Variants in RAB27A observed in about 807,000 individuals in gnomAD.
The protein encoded by RAB27A is RAB27A, member RAS oncogene family.
Under a neutral mutation model 20.8 loss-of-function variants are expected in RAB27A, and 17 were observed. The ratio of observed to expected loss-of-function variants is 0.82; its 90% CI spans 0.56 to 1.23. RAB27A has a LOEUF of 1.23. Among genes scored for constraint, RAB27A ranks in the 50% most tolerant of loss-of-function variants. RAB27A has a pLI of 0.00. For missense variants in RAB27A, 277 were observed against 266.7 expected (o/e 1.04, Z -0.27); for synonymous variants, 85 against 92.8 (o/e 0.92, Z 0.48).
intron 2 of RAB27A, among the ~76,000 whole-genome samples, chr15:55,244,956 T>A (rs1426044714): frequency 6.6e-6 from 1 of 152,192 alleles, no homozygotes; most frequent in Non-Finnish European, 1.5e-5. Context: ...GTTTTAATAA[T>A]GCCATTGTGG....
intron 3 of RAB27A, among the ~76,000 whole-genome samples, chr15:55,231,039 G>C (rs1896012401): frequency 6.6e-6 from 1 of 152,056 alleles, no homozygotes; most frequent in Non-Finnish European, 1.5e-5. Flanking sequence ...CCATTGTTTA[G>C]TTCCCACTTA....
chr15:55,256,936 C>T (rs1377780046), intron 2 of RAB27A, among the ~76,000 whole-genome samples: 2 of 152,188 alleles, frequency 1.3e-5, no homozygotes, highest in African/African-American at 4.8e-5. Flanking sequence ...CTTCTATCAC[C>T]TCTCACTCCT....
intron 2 of RAB27A, among the ~76,000 whole-genome samples, chr15:55,309,639 C>T (rs1438765767): frequency 3.3e-5 from 5 of 152,068 alleles, no homozygotes; most frequent in Non-Finnish European, 7.4e-5. Flanking sequence ...TCAGGATGTA[C>T]AGGGATACAG....
At chr15:55,250,294 TA>T (rs957990645) in intron 2 of RAB27A, among the ~76,000 whole-genome samples, 1 of 151,850 alleles carries the variant, frequency 6.6e-6, no homozygotes, top group African/African-American at 2.4e-5. Flanking sequence ...AAAACTGGAA[TA>T]AAAAAAAGTA....
chr15:55,309,960 GT>G (rs983950166), intron 2 of RAB27A, among the ~76,000 whole-genome samples: 1 of 151,974 alleles, frequency 6.6e-6, no homozygotes, highest in African/African-American at 2.4e-5. Context: ...GAATCCTTTA[GT>G]TTAACTCGAA....
intron 3 of RAB27A, among the ~76,000 whole-genome samples, chr15:55,232,764 A>T (rs763786375): frequency 8.5e-5 from 13 of 152,206 alleles, no homozygotes; most frequent in Non-Finnish European, 1.9e-4. Context: ...GTAACTGCAT[A>T]GTAAATATAA....
In RAB27A at chr15:55,249,947, AT is replaced by A. The variant is rs900840178; in HGVS notation, c.-22-14992del. On this transcript the variant is annotated intron_variant, in intron 2 of 6. Coordinates refer to ENST00000336787, the MANE Select transcript of RAB27A (RefSeq NM_183235.3). Reference sequence around the variant, plus strand: ...TTAAGAGTTCTGTAAACTTATTAAGATTTTTTTTTCTATGTTTGTTTTTTGT... The same window carrying A: ...TTAAGAGTTCTGTAAACTTATTAAGATTTTTTTTCTATGTTTGTTTTTTGT... Among the ~76,000 whole-genome samples the A allele has an allele frequency of 1.2e-4, 18 of 151,194 alleles. 1 individual carries two copies. The highest frequency in any genetic ancestry group is 7.8e-4 in the East Asian group (4 of 5,124).
In RAB27A at chr15:55,217,663, C is replaced by CAAAAAAAAAAAA. The variant is rs199813098; in HGVS notation, c.467+6214_467+6225dup. ...TGGGTGACAGAGCTACACTCCATCT[C>CAAAAAAAAAAAA]AAAAAAAAAAAAAAAAAAAAAAAAA... On this transcript the variant is annotated intron_variant, in intron 6 of 6. Coordinates refer to ENST00000336787, the MANE Select transcript of RAB27A (RefSeq NM_183235.3). 2.3e-4 allele frequency among the ~76,000 whole-genome samples: 10 copies of CAAAAAAAAAAAA among 43,546 alleles called. 1 individual carries two copies. The highest frequency in any genetic ancestry group is 7.0e-4 in the African/African-American group (8 of 11,422). 28.6% of individuals were successfully genotyped at this position (43,546 alleles called of 152,430 possible). A position where few individuals can be genotyped will look rare whatever the true frequency, so the allele number is the denominator to read the frequency against.
chr15:55,313,824 T>C (rs1017522902), intron 2 of RAB27A, among the ~76,000 whole-genome samples: 1 of 151,976 alleles, frequency 6.6e-6, no homozygotes, highest in South Asian at 2.1e-4. Flanking sequence ...ATACAAAAAC[T>C]TAGCCGGGAG....
In RAB27A at chr15:55,263,412, G is replaced by C. The variant is rs547738250; in HGVS notation, c.-23+6753C>G. 5.3e-5 allele frequency among the ~76,000 whole-genome samples: 8 copies of C among 152,166 alleles called. No individual in the cohort carries two copies. The East Asian group carries it at 1.5e-3, about 29-fold the overall frequency. On this transcript the variant is annotated intron_variant, in intron 2 of 6. Transcript: ENST00000336787. ...AAAGTTACTTGAGATGCAGTCACTA[G>C]AGGAAGAATTATAGTAGAATGCTTT...
intron 6 of RAB27A, among the ~76,000 whole-genome samples, chr15:55,209,672 C>T (rs575548556): frequency 6.9e-6 from 1 of 144,316 alleles, no homozygotes; most frequent in African/African-American, 2.6e-5. Flanking sequence ...ATATATATAT[C>T]TCTCTCCTAA....
chr15:55,226,897 A>T (rs561514922), intron 5 of RAB27A, among the ~76,000 whole-genome samples: 38 of 151,972 alleles, frequency 2.5e-4, no homozygotes, highest in Non-Finnish European at 5.4e-4. Flanking sequence ...ATAAGAAATG[A>T]ATGATCATTG....
At chr15:55,287,748 G>GA (rs574996828) in intron 1 of RAB27A, among the ~76,000 whole-genome samples, 389 of 133,162 alleles carry the variant, frequency 2.9e-3, no homozygotes, top group South Asian at 0.01. Flanking sequence ...ACTCCATCTC[G>GA]AAAAAAAAAA....
At chr15:55,307,695 A>G (rs951940157) in intron 2 of RAB27A, among the ~76,000 whole-genome samples, 1 of 150,818 alleles carries the variant, frequency 6.6e-6, no homozygotes, top group East Asian at 2.0e-4. Flanking sequence ...AGACTAGTAG[A>G]CACTGAAATC....
intron 1 of RAB27A, among the ~76,000 whole-genome samples, chr15:55,285,843 G>A (rs1056163214): frequency 6.6e-6 from 1 of 152,142 alleles, no homozygotes; most frequent in African/African-American, 2.4e-5. Flanking sequence ...TAGCACAAGA[G>A]GCCAACACCC....
intron 2 of RAB27A, among the ~76,000 whole-genome samples, chr15:55,311,710 T>C (rs912621209): frequency 6.6e-6 from 1 of 152,198 alleles, no homozygotes; most frequent in African/African-American, 2.4e-5. Flanking sequence ...TTCTCCCCCT[T>C]GAAGAGGATA....
At chr15:55,301,809 C>T (rs1370186061) in intron 2 of RAB27A, among the ~76,000 whole-genome samples, 1 of 151,928 alleles carries the variant, frequency 6.6e-6, no homozygotes, top group Non-Finnish European at 1.5e-5. Flanking sequence ...CCATACCTTG[C>T]TAATTTTTGT....
intron 2 of RAB27A, among the ~76,000 whole-genome samples, chr15:55,300,878 TA>T (rs2054969057): frequency 6.6e-6 from 1 of 152,068 alleles, no homozygotes; most frequent in Admixed American, 6.6e-5. Context: ...CCCAGTGATT[TA>T]AATAGCTGTA....
chr15:55,246,934 C>T (rs1206351728), intron 2 of RAB27A, among the ~76,000 whole-genome samples: 3 of 152,106 alleles, frequency 2.0e-5, no homozygotes, highest in Admixed American at 6.6e-5. Context: ...CTCCTAAATT[C>T]AAATAATAGT....
Sources: allele counts gnomAD v4.1 joint callset (sites outside exome capture counted in the v4.1 genomes callset), GRCh38; gene constraint gnomAD v4.1.1; transcripts MANE v1.5; gene names NCBI Gene and HGNC (gene_info 2026-07-23, HGNC 2026-07-21).